The following LMO7 variants were observed in gnomAD, a reference collection of about 807,000 sequenced individuals.
LMO7 encodes the protein LIM domain only protein 7.
A neutral mutation model predicts 206.5 loss-of-function variants in LMO7; 120 were observed. That is an observed-to-expected ratio of 0.58 (90% CI 0.50 to 0.68). The LOEUF is 0.68. Ranked by LOEUF, LMO7 falls within the 30% of genes least tolerant of loss-of-function variation. LMO7 has a pLI of 0.00. For missense variants in LMO7, 1,959 were observed against 1,957.9 expected (o/e 1.00, Z -0.01); for synonymous variants, 706 against 681.5 (o/e 1.04, Z -0.56).
At chr13:75,655,062 G>A (rs767934721) in intron 1 of LMO7, among the ~76,000 whole-genome samples, 10 of 151,870 alleles carry the variant, frequency 6.6e-5, no homozygotes, top group Non-Finnish European at 1.0e-4. Flanking sequence ...GTAGAGACGG[G>A]GTTTCACCAT....
rs369238115 is a variant in LMO7, at chr13:75,800,933, C to A, written c.661+51C>A. 8 of 1,549,702 alleles carry A rather than the reference C, an allele frequency of 5.2e-6. No homozygotes were observed. In the African/African-American group the frequency reaches 1.1e-4, roughly 21 times the overall value. ...TATTTGTTCACATATTAAGGGAGAA[C>A]TGGGAACAGGAGAGAATAGAAAAAT... On this transcript the variant is annotated intron_variant, in intron 7 of 30. Transcript: ENST00000377534.
intron 1 of LMO7, among the ~76,000 whole-genome samples, chr13:75,670,107 ACC>A (rs2039427612): frequency 6.6e-6 from 1 of 151,980 alleles, no homozygotes; most frequent in East Asian, 1.9e-4. Flanking sequence ...AAATACATAC[ACC>A]TCTCTCCTCC....
At chr13:75,842,558 A>G (rs1307198916) in intron 24 of LMO7, among the ~76,000 whole-genome samples, 1 of 152,146 alleles carries the variant, frequency 6.6e-6, no homozygotes, top group Non-Finnish European at 1.5e-5. Flanking sequence ...TAAGTGCTAT[A>G]AAGTCAGTAA....
At chr13:75,731,292 G>GC (rs1451521690) in intron 3 of LMO7, among the ~76,000 whole-genome samples, 1 of 152,144 alleles carries the variant, frequency 6.6e-6, no homozygotes, top group Admixed American at 6.5e-5. Context: ...CTCAGGACTT[G>GC]CTTTATGAGT....
At chr13:75,626,407 A>G (rs2034091003) in intron 2 of LMO7, among the ~76,000 whole-genome samples, 1 of 150,238 alleles carries the variant, frequency 6.7e-6, no homozygotes, top group South Asian at 2.2e-4. Flanking sequence ...AGATCTCGTG[A>G]GACTTATTCA....
At chr13:75,720,179 C>T (rs1377797392) in intron 2 of LMO7, among the ~76,000 whole-genome samples, 1 of 152,082 alleles carries the variant, frequency 6.6e-6, no homozygotes, top group African/African-American at 2.4e-5. Flanking sequence ...ATTTTTTAAT[C>T]AGATTTTCTT....
At chr13:75,700,134 T>C (rs1349121532) in intron 1 of LMO7, among the ~76,000 whole-genome samples, 1 of 152,244 alleles carries the variant, frequency 6.6e-6, no homozygotes, top group African/African-American at 2.4e-5. Flanking sequence ...TATCCTGTTC[T>C]TTTAGGATGC....
intron 4 of LMO7, among the ~76,000 whole-genome samples, chr13:75,790,930 C>T (rs1566466926): frequency 6.7e-6 from 1 of 148,820 alleles, no homozygotes; most frequent in African/African-American, 2.5e-5. Context: ...GGGCTATCAA[C>T]ATACCCAAGA....
At chr13:75,847,118 A>G (rs1231977136) in intron 26 of LMO7, among the ~76,000 whole-genome samples, 1 of 152,210 alleles carries the variant, frequency 6.6e-6, no homozygotes, top group Non-Finnish European at 1.5e-5. Context: ...ATAGTTGTAT[A>G]AGAAACCTTT....
At chr13:75,731,248 T>C (rs1446174324) in intron 3 of LMO7, among the ~76,000 whole-genome samples, 1 of 152,230 alleles carries the variant, frequency 6.6e-6, no homozygotes, top group Non-Finnish European at 1.5e-5. Flanking sequence ...CTCCCATTAC[T>C]ATTGTGTGGG....
intron 4 of LMO7, among the ~76,000 whole-genome samples, chr13:75,787,243 A>T (rs535000200): frequency 6.6e-6 from 1 of 152,350 alleles, no homozygotes; most frequent in South Asian, 2.1e-4. Context: ...CACACGTCTC[A>T]GTTGTGAAGT....
At chr13:75,727,308 T>G (rs2044572453) in intron 3 of LMO7, among the ~76,000 whole-genome samples, 1 of 151,858 alleles carries the variant, frequency 6.6e-6, no homozygotes, top group Admixed American at 6.6e-5. Flanking sequence ...ATTTATTTAT[T>G]TATTTAATAA....
intron 1 of LMO7, among the ~76,000 whole-genome samples, chr13:75,682,825 A>G (rs1404798551): frequency 6.6e-6 from 1 of 152,192 alleles, no homozygotes; most frequent in Non-Finnish European, 1.5e-5. Flanking sequence ...AGCCTAATAA[A>G]TGTCCATTGA....
intron 1 of LMO7, 97 bp downstream of exon 1, chr13:75,636,823 C>A: frequency 1.6e-6 from 2 of 1,246,472 alleles, no homozygotes; most frequent in Non-Finnish European, 2.3e-6. Context: ...GCACTTTAGC[C>A]TCCTTCGGCG....
intron 12 of LMO7, among the ~76,000 whole-genome samples, chr13:75,817,753 G>A (rs962025734): frequency 1.3e-5 from 2 of 152,156 alleles, no homozygotes; most frequent in African/African-American, 4.8e-5. Flanking sequence ...ATATAACTCA[G>A]AGCAATATTT....
intron 26 of LMO7, among the ~76,000 whole-genome samples, chr13:75,847,029 C>CAAAA (rs34127474): frequency 8.9e-6 from 1 of 112,440 alleles, no homozygotes; most frequent in Non-Finnish European, 1.8e-5. Flanking sequence ...GACTCTGTCT[C>CAAAA]AAAAAAAAAA....
Position 75,856,909 on chromosome 13 carries a change from TACAA to T in LMO7, c.4873+308_4873+311del, listed in dbSNP as rs150822126. ...GCAGAGACCTTTAATGACTCAAGAATACAAACAAACCAAAACACTTAAATGAATC... is the reference window on the plus strand; with the variant it reads ...GCAGAGACCTTTAATGACTCAAGAATACAAACCAAAACACTTAAATGAATC... On this transcript the variant is annotated intron_variant, in intron 30 of 30. Coordinates refer to ENST00000377534, the MANE Select transcript of LMO7 (RefSeq NM_001306080.2). 1.1e-3 allele frequency: 217 copies of T among 195,234 alleles called. 4 individuals carry two copies. The East Asian group carries it at 0.023, about 21-fold the overall frequency. 12.1% of individuals were successfully genotyped at this position (195,234 alleles called of 1,614,324 possible).
chr13:75,702,927 T>C (rs1312322401), intron 1 of LMO7, among the ~76,000 whole-genome samples: 1 of 152,218 alleles, frequency 6.6e-6, no homozygotes, highest in Admixed American at 6.5e-5. Context: ...TGTAGCAAAT[T>C]AATAGTGGTG....
chr13:75,804,749 G>T, intron 8 of LMO7: 2 of 1,023,464 alleles, frequency 2.0e-6, no homozygotes, highest in Non-Finnish European at 1.3e-6. Flanking sequence ...TGATTTGCTA[G>T]GTCTTTTTTT....
Sources: gnomAD v4.1 joint callset for allele counts (sites outside exome capture counted in the v4.1 genomes callset) on GRCh38, gnomAD v4.1.1 for gene constraint, MANE v1.5 for transcripts, NCBI Gene and HGNC (gene_info 2026-07-23, HGNC 2026-07-21) for gene names.